HELB: variants seen among roughly 807,000 people sequenced by gnomAD.
The protein encoded by HELB is DNA 5'-3' helicase B.
HELB carries 96 observed loss-of-function variants against 101.7 expected under a neutral mutation model. The observed-to-expected ratio is 0.94, with a 90% CI of 0.80 to 1.12. The LOEUF (loss-of-function observed/expected upper bound fraction) is 1.12. Among genes scored for constraint, HELB ranks in the 50% most tolerant of loss-of-function variants. HELB has a pLI of 0.00. For synonymous variants in HELB, 437 were observed against 459.7 expected (o/e 0.95, Z 0.63); for missense variants, 1,210 against 1,291.9 (o/e 0.94, Z 0.97).
At chr12:66,336,023 A>T (rs1035263807) in intron 12 of HELB, among the ~76,000 whole-genome samples, 1 of 152,214 alleles carries the variant, frequency 6.6e-6, no homozygotes, top group Non-Finnish European at 1.5e-5. Context: ...AGGACAGTGT[A>T]TCATTTTTGA....
chr12:66,331,619 G>A lies in HELB; in HGVS notation c.3136G>A (p.Asp1046Asn), dbSNP rs749668012. ...ASKRTCGVNDDESPSKIFMVG... is the reference protein window; with the variant it reads ...ASKRTCGVNDNESPSKIFMVG... Reference sequence around the variant, plus strand: ...CAAAAGAACCTGTGGTGTGAATGATGATGAAAGTCCAAGCAAAATTTTTAT... The same window carrying A: ...CAAAAGAACCTGTGGTGTGAATGATAATGAAAGTCCAAGCAAAATTTTTAT... The change falls in exon 12 of 13, where the codon GAT (aspartate) becomes AAT (asparagine). Residue 1046 changes from aspartate to asparagine, a missense_variant. Physicochemically the swap from Asp to Asn is conservative, Grantham distance 23 (BLOSUM62 1). Transcript: ENST00000247815. 1.6e-5 allele frequency: 25 copies of A among 1,601,748 alleles called. No individual in the cohort carries two copies. Among genetic ancestry groups the A allele is most frequent in the South Asian group, 1.4e-4 (13 of 90,202 alleles).
At chr12:66,317,814 C>A (rs896449937) in intron 6 of HELB, among the ~76,000 whole-genome samples, 2 of 152,292 alleles carry the variant, frequency 1.3e-5, no homozygotes, top group African/African-American at 4.8e-5. Context: ...TCTGGGCTAT[C>A]GCCAGCAAGA....
rs771352423 is a variant in HELB at position 66,314,006 on chromosome 12, A to G, written c.1701A>G (p.Ser567=). ...TLCQVNYSFY[S]WTQTMMTTNK... The stretch of plus-strand genomic sequence containing the variant: ...TGTAGGTCAATTATAGCTTCTATTC[A>G]TGGACTCAAACAATGATGACCACAA... The change falls in exon 5 of 13, where the codon TCA becomes TCG. Residue 567 remains serine (S), a synonymous_variant. Coordinates refer to ENST00000247815, the MANE Select transcript of HELB (RefSeq NM_001370285.1). 6.8e-6 allele frequency: 11 copies of G among 1,613,656 alleles called. No individual in the cohort carries two copies. The highest frequency in any genetic ancestry group is 5.5e-5 in the South Asian group (5 of 91,074).
chr12:66,340,242 A>G (rs117796250), downstream of HELB: 3 of 152,328 alleles, frequency 2.0e-5, no homozygotes, highest in East Asian at 3.9e-4. Flanking sequence ...CCAGCAGTGT[A>G]TGAGAGTTCC....
intron 3 of HELB, 141 bp downstream of exon 3, chr12:66,306,655 T>C (rs1348871872): frequency 2.2e-6 from 1 of 444,552 alleles, no homozygotes; most frequent in Non-Finnish European, 3.9e-6. Context: ...GTTGCAACTG[T>C]ACATAAACTT....
chr12:66,316,590 A>G (rs2136999388), intron 6 of HELB, among the ~76,000 whole-genome samples: 1 of 151,136 alleles, frequency 6.6e-6, no homozygotes, highest in South Asian at 2.1e-4. Context: ...AATAATAATA[A>G]TAATAATAAT....
chr12:66,341,318 T>A (rs2053916724), downstream of HELB: 2 of 152,258 alleles, frequency 1.3e-5, no homozygotes, highest in Non-Finnish European at 2.9e-5. Context: ...GCTGCTTATC[T>A]CCATTCGTCC....
intron 11 of HELB, 149 bp from the exon 12 acceptor site, chr12:66,331,005 A>T: frequency 1.1e-6 from 1 of 874,420 alleles, no homozygotes; most frequent in South Asian, 1.7e-5. Context: ...GATGAATAAA[A>T]ATGGAACCCA....
Position 66,310,537 on chromosome 12 carries a change from A to G in HELB, c.1609A>G (p.Thr537Ala), listed in dbSNP as rs1460903093. ...EADKAIEVLLTAPTGKAAGLL... is the reference protein window; with the variant it reads ...EADKAIEVLLAAPTGKAAGLL... Reference sequence around the variant, plus strand: ...GGACAAGGCTATAGAAGTTTTGCTCACAGCACCTACAGGGAAAGCAGCTGG... The same window carrying G: ...GGACAAGGCTATAGAAGTTTTGCTCGCAGCACCTACAGGGAAAGCAGCTGG... The change falls in exon 4 of 13, where the codon ACA becomes GCA. Residue 537 changes from threonine (T) to alanine (A), a missense_variant. Coordinates refer to ENST00000247815, the MANE Select transcript of HELB (RefSeq NM_001370285.1). The G allele has an allele frequency of 6.2e-7, 1 of 1,614,254 alleles. No homozygotes were observed. The highest frequency in any genetic ancestry group is 1.3e-5 in the African/African-American group (1 of 75,078).
intron 12 of HELB, among the ~76,000 whole-genome samples, chr12:66,332,374 T>C (rs1295283783): frequency 6.6e-6 from 1 of 152,240 alleles, no homozygotes; most frequent in African/African-American, 2.4e-5. Flanking sequence ...AAGGTTTCAG[T>C]TACCCATGGT....
At chr12:66,311,287 C>T (rs1359448287) in intron 4 of HELB, among the ~76,000 whole-genome samples, 1 of 151,980 alleles carries the variant, frequency 6.6e-6, no homozygotes, top group African/African-American at 2.4e-5. Context: ...ATAGTGAGAC[C>T]CCCATCTCTA....
At chr12:66,334,652 G>C (rs963634443) in intron 12 of HELB, among the ~76,000 whole-genome samples, 7 of 151,884 alleles carry the variant, frequency 4.6e-5, no homozygotes, top group Admixed American at 3.3e-4. Flanking sequence ...GGTGCTGGGT[G>C]CCTGTTGTCT....
chr12:66,302,985 G>GTTT (rs551432227), intron 1 of HELB, among the ~76,000 whole-genome samples, 195 bp downstream of exon 1: 6 of 136,658 alleles, frequency 4.4e-5, no homozygotes, highest in East Asian at 2.1e-4. Flanking sequence ...ATACTATGTG[G>GTTT]TTTTTTTTTT....
Position 66,314,976 on chromosome 12 carries a change from A to G in HELB, c.1859-266A>G, listed in dbSNP as rs183258254. Among the ~76,000 whole-genome samples, 37 of 151,130 alleles carry G rather than the reference A, an allele frequency of 2.4e-4. No individual in the cohort carries two copies. In the East Asian group the frequency reaches 6.8e-3, roughly 28 times the overall value. Reference sequence around the variant, plus strand: ...AACATGATTGAAAAAGGGACTAACTACAAATGTCTAAGGCCTGTTTTTTTT... The same window carrying G: ...AACATGATTGAAAAAGGGACTAACTGCAAATGTCTAAGGCCTGTTTTTTTT... On this transcript the variant is annotated intron_variant, in intron 5 of 12. Coordinates refer to ENST00000247815, the MANE Select transcript of HELB (RefSeq NM_001370285.1).
intron 11 of HELB, among the ~76,000 whole-genome samples, chr12:66,328,146 C>T (rs983501296): frequency 6.6e-6 from 1 of 152,104 alleles, no homozygotes; most frequent in African/African-American, 2.4e-5. Context: ...ATGGTGGGGC[C>T]AGGTCACCTC....
chr12:66,325,251 T>TA (rs2053723379), intron 11 of HELB, 125 bp downstream of exon 11: 3 of 644,374 alleles, frequency 4.7e-6, no homozygotes, highest in Non-Finnish European at 8.1e-6. Flanking sequence ...TACACAAAAG[T>TA]ACAGAACATA....
intron 7 of HELB, 59 bp from the exon 8 acceptor site, chr12:66,321,889 A>G: frequency 1.4e-6 from 1 of 690,658 alleles, no homozygotes; most frequent in Admixed American, 2.2e-5. Context: ...GTTTCTTCAT[A>G]GAAATTGTGT....
chr12:66,311,336 C>T (rs2136993432), intron 4 of HELB, among the ~76,000 whole-genome samples: 1 of 152,184 alleles, frequency 6.6e-6, no homozygotes, highest in Middle Eastern at 3.4e-3. Flanking sequence ...GTGGCATGCA[C>T]CTGTAGTTCC....
intron 6 of HELB, among the ~76,000 whole-genome samples, chr12:66,318,103 G>T (rs1389055916): frequency 6.6e-6 from 1 of 152,188 alleles, no homozygotes; most frequent in Non-Finnish European, 1.5e-5. Context: ...ATACAGAGAA[G>T]AAAGGAGAAG....
Sources: allele counts gnomAD v4.1 joint callset (sites outside exome capture counted in the v4.1 genomes callset), GRCh38; gene constraint gnomAD v4.1.1; transcripts MANE v1.5; gene names NCBI Gene and HGNC (gene_info 2026-07-23, HGNC 2026-07-21).